HCN1: variants seen among roughly 807,000 people sequenced by gnomAD.
HCN1 encodes the protein hyperpolarization activated cyclic nucleotide gated potassium channel 1.
In HCN1, 13 loss-of-function variants were observed where a neutral mutation model predicts 78.9. The observed-to-expected ratio is 0.16, with a 90% confidence interval of 0.11 to 0.26. The LOEUF is 0.26. Ranked by LOEUF, HCN1 falls within the 10% of genes least tolerant of loss-of-function variation. HCN1 has a pLI of 1.00. For missense variants in HCN1, 810 were observed against 1,154.3 expected (o/e 0.70, Z 4.32); for synonymous variants, 552 against 455.5 (o/e 1.21, Z -2.70).
At chr5:45,363,993 AC>A (rs1747179879) in intron 4 of HCN1, among the ~76,000 whole-genome samples, 2 of 152,112 alleles carry the variant, frequency 1.3e-5, no homozygotes, top group African/African-American at 4.8e-5. Context: ...TCAGTAAATT[AC>A]CCACCCCAAA....
In HCN1 at chr5:45,427,570, T is replaced by A. The variant is rs1172368723; in HGVS notation, c.1012-30860A>T. On this transcript the variant is annotated intron_variant, in intron 3 of 7. Transcript: ENST00000303230. The stretch of plus-strand genomic sequence containing the variant: ...TTAACTTGCAAAGCAGTCAGGTGTT[T>A]TGTTAGATGTGACCAAAATCTAGAT... 5.3e-5 allele frequency among the ~76,000 whole-genome samples: 8 copies of A among 152,272 alleles called. 1 individual carries two copies. The South Asian group carries it at 1.0e-3, about 20-fold the overall frequency.
At chr5:45,676,179 A>G (rs1486020664) in intron 1 of HCN1, among the ~76,000 whole-genome samples, 1 of 151,824 alleles carries the variant, frequency 6.6e-6, no homozygotes, top group Non-Finnish European at 1.5e-5. Context: ...ATTTTCACAT[A>G]TACTTTGTCA....
At chr5:45,594,776 T>A (rs1241872844) in intron 2 of HCN1, among the ~76,000 whole-genome samples, 1 of 152,234 alleles carries the variant, frequency 6.6e-6, no homozygotes. Flanking sequence ...ACCAAATTCA[T>A]CACTTTCTTC....
rs1744667142 is a variant in HCN1 at position 45,258,549 on chromosome 5, C to T, written c.*3372G>A. 6.6e-6 allele frequency: 1 copy of T among 152,054 alleles called. No individual in the cohort carries two copies. 9.4% of individuals were successfully genotyped at this position (152,054 alleles called of 1,614,324 possible). ...CCTTGTTTTCAGGAATGCTTCACTA[C>T]TTATTCTCATTATGATAAACTCTAT... On this transcript the variant is annotated 3_prime_UTR_variant, in exon 8 of 8. Transcript: ENST00000303230.
At chr5:45,586,046 C>T (rs1220405787) in intron 2 of HCN1, among the ~76,000 whole-genome samples, 6 of 152,246 alleles carry the variant, frequency 3.9e-5, no homozygotes, top group South Asian at 2.1e-4. Context: ...CTACTCTCTT[C>T]GAAGCTGTCA....
In HCN1 at chr5:45,393,940, G is replaced by T. The variant is rs548944560; in HGVS notation, c.1230+2552C>A. ...TTCAGTCTTATCAATTCTATATAGA[G>T]ATCAGGGGGTAAGGTGAGATTTTTC... On this transcript the variant is annotated intron_variant, in intron 4 of 7. Coordinates refer to ENST00000303230, the MANE Select transcript of HCN1 (RefSeq NM_021072.4). 1.2e-4 allele frequency among the ~76,000 whole-genome samples: 18 copies of T among 152,256 alleles called. No individual in the cohort carries two copies. The South Asian group carries it at 3.7e-3, about 32-fold the overall frequency.
intron 2 of HCN1, among the ~76,000 whole-genome samples, chr5:45,577,805 C>T (rs777100510): frequency 1.1e-4 from 16 of 151,654 alleles, no homozygotes; most frequent in East Asian, 3.9e-4. Flanking sequence ...CTTAGAAATA[C>T]GAAGCAATGC....
chr5:45,687,769 T>C (rs1739836757), intron 1 of HCN1, among the ~76,000 whole-genome samples: 1 of 152,146 alleles, frequency 6.6e-6, no homozygotes, highest in African/African-American at 2.4e-5. Context: ...ATACCAAAAA[T>C]ATAATCACAG....
chr5:45,394,699 C>T (rs1216320182), intron 4 of HCN1, among the ~76,000 whole-genome samples: 1 of 151,986 alleles, frequency 6.6e-6, no homozygotes, highest in East Asian at 1.9e-4. Flanking sequence ...GCCTGGAATC[C>T]CAACTACTTG....
At chr5:45,329,213 T>C (rs1264941185) in intron 5 of HCN1, among the ~76,000 whole-genome samples, 2 of 151,528 alleles carry the variant, frequency 1.3e-5, no homozygotes, top group African/African-American at 4.8e-5. Flanking sequence ...ACCTAAGCCT[T>C]TTTCATCATC....
chr5:45,482,507 G>A (rs570651458), intron 2 of HCN1, among the ~76,000 whole-genome samples: 1 of 152,242 alleles, frequency 6.6e-6, no homozygotes, highest in South Asian at 2.1e-4. Context: ...CAAGACATCT[G>A]GGGGACTATC....
At chr5:45,497,692 G>A (rs1008667059) in intron 2 of HCN1, among the ~76,000 whole-genome samples, 1 of 151,988 alleles carries the variant, frequency 6.6e-6, no homozygotes, top group Non-Finnish European at 1.5e-5. Context: ...GGAGCATTTA[G>A]TACATTTACA....
chr5:45,659,336 A>C lies in HCN1; in HGVS notation c.426-13728T>G, dbSNP rs892216911. Reference sequence around the variant, plus strand: ...CATCATCAAAGACCAAAAGTAGATAAAACCACAAAGATGGGGAAAAAACAG... The same window carrying C: ...CATCATCAAAGACCAAAAGTAGATACAACCACAAAGATGGGGAAAAAACAG... On this transcript the variant is annotated intron_variant, in intron 1 of 7. Transcript: ENST00000303230. Among the ~76,000 whole-genome samples, 15 of 119,982 alleles carry C rather than the reference A, an allele frequency of 1.3e-4. 1 individual carries two copies. Among genetic ancestry groups the C allele is most frequent in the Non-Finnish European group, 2.2e-4 (13 of 58,970 alleles). 78.7% of individuals were successfully genotyped at this position (119,982 alleles called of 152,430 possible).
At chr5:45,593,322 C>T (rs184226639) in intron 2 of HCN1, among the ~76,000 whole-genome samples, 4,151 of 123,060 alleles carry the variant, frequency 0.034, 238 homozygotes, top group African/African-American at 0.12. Flanking sequence ...TCTCTCTCTC[C>T]CTCTCTCTCT....
chr5:45,583,545 A>G (rs1477997203), intron 2 of HCN1, among the ~76,000 whole-genome samples: 3 of 152,056 alleles, frequency 2.0e-5, no homozygotes, highest in Non-Finnish European at 2.9e-5. Context: ...CTATGATCTT[A>G]GTTATTTATT....
At chr5:45,266,963 C>G in intron 7 of HCN1, 126 bp downstream of exon 7, 1 of 815,552 alleles carries the variant, frequency 1.2e-6, no homozygotes, top group South Asian at 1.4e-5. Flanking sequence ...CCTGCCTTGG[C>G]CTCCCAAAGT....
chr5:45,614,971 GA>G lies in HCN1; in HGVS notation c.849+30213del, dbSNP rs1187828055. ...GTGGAATATATTTCAAAACCACAGA[GA>G]AAAAAAAAAAAACGTAATTCAACTT... On this transcript the variant is annotated intron_variant, in intron 2 of 7. Coordinates refer to ENST00000303230, the MANE Select transcript of HCN1 (RefSeq NM_021072.4). 6.4e-3 allele frequency among the ~76,000 whole-genome samples: 788 copies of G among 122,592 alleles called. 10 individuals are homozygous for G. The highest frequency in any genetic ancestry group is 0.02 in the Admixed American group (244 of 12,174). 80.4% of individuals were successfully genotyped at this position (122,592 alleles called of 152,430 possible).
chr5:45,337,662 T>A (rs1350911779), intron 5 of HCN1, among the ~76,000 whole-genome samples: 1 of 152,116 alleles, frequency 6.6e-6, no homozygotes, highest in African/African-American at 2.4e-5. Flanking sequence ...CCTGAGTTCA[T>A]ATAGCAGAAC....
intron 5 of HCN1, among the ~76,000 whole-genome samples, chr5:45,338,187 T>G (rs1214286360): frequency 6.6e-6 from 1 of 152,160 alleles, no homozygotes; most frequent in East Asian, 1.9e-4. Context: ...TCTTTACCAC[T>G]GCATTTTACA....
Sources: allele counts gnomAD v4.1 joint callset (sites outside exome capture counted in the v4.1 genomes callset), GRCh38; gene constraint gnomAD v4.1.1; transcripts MANE v1.5; gene names NCBI Gene and HGNC (gene_info 2026-07-23, HGNC 2026-07-21).